INTS8: variants seen among roughly 807,000 people sequenced by gnomAD.
The protein encoded by INTS8 is integrator complex subunit 8, also known as protein kaonashi-1.
In INTS8, 47 loss-of-function variants were observed where a neutral mutation model predicts 138.9. That is an observed-to-expected ratio of 0.34 (90% CI 0.27 to 0.43). The LOEUF is 0.43. Ranked by LOEUF, INTS8 falls within the 20% of genes least tolerant of loss-of-function variation. The pLI, the probability that INTS8 is intolerant of heterozygous loss-of-function variation, is 1.00. For synonymous variants in INTS8, 392 were observed against 400.9 expected, an observed-to-expected ratio of 0.98 and a Z score of 0.27; for missense variants, 996 against 1,173.0, an observed-to-expected ratio of 0.85 and a Z score of 2.20.
Position 94,881,062 on chromosome 8 carries a change from T to C in INTS8, c.*828T>C, listed in dbSNP as rs1816790984. ...TAAACTAGTTTAAAAAACATTAAAT[T>C]TCACCATTTGTAGAAATTCAAGTTT... On this transcript the variant is annotated 3_prime_UTR_variant, in exon 27 of 27. Transcript: ENST00000523731. 2.5e-6 allele frequency: 1 copy of C among 398,076 alleles called. No homozygotes were observed. The highest frequency in any genetic ancestry group is 4.4e-5 in the Admixed American group (1 of 22,700). 24.7% of individuals were successfully genotyped at this position (398,076 alleles called of 1,614,324 possible). A position where few individuals can be genotyped will look rare whatever the true frequency, so the allele number is the denominator to read the frequency against.
intron 20 of INTS8, among the ~76,000 whole-genome samples, chr8:94,870,053 A>ATTTT (rs879671607): frequency 6.6e-6 from 1 of 150,912 alleles, no homozygotes; most frequent in Non-Finnish European, 1.5e-5. Context: ...ATTTTTATTT[A>ATTTT]TTTATTTTTT....
chr8:94,855,516 T>A (rs1815713573), intron 14 of INTS8, among the ~76,000 whole-genome samples: 2 of 152,194 alleles, frequency 1.3e-5, no homozygotes, highest in African/African-American at 4.8e-5. Flanking sequence ...AGGAGGAATG[T>A]AGTTAGCAGC....
intron 10 of INTS8, among the ~76,000 whole-genome samples, chr8:94,848,045 G>C (rs1373833764): frequency 1.6e-5 from 2 of 123,830 alleles, no homozygotes; most frequent in Non-Finnish European, 3.5e-5. Context: ...GTCTCTCTCT[G>C]TTTCCCAGGC....
At position 94,876,097 on chromosome 8, in the gene INTS8, C is replaced by A; in HGVS notation, c.2712C>A (p.Leu904=). The A allele has an allele frequency of 3.7e-6, 6 of 1,609,946 alleles. No individual in the cohort carries two copies. The highest frequency in any genetic ancestry group is 5.1e-6 in the Non-Finnish European group (6 of 1,176,678). The part of the protein sequence containing the change: ...HTQVAILCQF[L]REIDYKTAFK... ...AGGTGGCCATTTTATGTCAGTTCCT[C>A]AGAGAAATTGACTACAAAACAGCGT... The change falls in exon 24 of 27, where the codon CTC becomes CTA. Residue 904 remains leucine, a synonymous_variant. Coordinates refer to ENST00000523731, the MANE Select transcript of INTS8 (RefSeq NM_017864.4).
chr8:94,881,637 GT>G lies in INTS8; in HGVS notation c.*1407del, dbSNP rs760550653. On this transcript the variant is annotated 3_prime_UTR_variant, in exon 27 of 27. Coordinates refer to ENST00000523731, the MANE Select transcript of INTS8 (RefSeq NM_017864.4). ...TGTTTGCTTAGTTATCTTCTTTAGT[GT>G]TTTCCTGGTGGTTTTTCAGTGCTCT... The G allele has an allele frequency of 3.1e-6, 5 of 1,612,340 alleles. No individual in the cohort carries two copies. The Admixed American group carries it at 6.7e-5, about 22-fold the overall frequency.
At chr8:94,853,219 G>A (rs1027269862) in intron 13 of INTS8, among the ~76,000 whole-genome samples, 4 of 152,140 alleles carry the variant, frequency 2.6e-5, no homozygotes, top group Non-Finnish European at 4.4e-5. Flanking sequence ...GGCCGAGGCA[G>A]GAGAATCACT....
At chr8:94,837,188 A>T (rs1814955831) in intron 7 of INTS8, among the ~76,000 whole-genome samples, 1 of 152,064 alleles carries the variant, frequency 6.6e-6, no homozygotes, top group African/African-American at 2.4e-5. Flanking sequence ...TTTTATTTTT[A>T]TTTTTTTGCT....
At chr8:94,831,913 CTAAA>C (rs763421394) in intron 5 of INTS8, 75 bp from the exon 6 acceptor site, 11 of 1,170,328 alleles carry the variant, frequency 9.4e-6, no homozygotes, top group East Asian at 5.1e-5. Flanking sequence ...TACTGAGTTA[CTAAA>C]TAGACTGTAA....
intron 10 of INTS8, among the ~76,000 whole-genome samples, chr8:94,844,280 C>G (rs1815250228): frequency 6.6e-6 from 1 of 152,060 alleles, no homozygotes; most frequent in Admixed American, 6.5e-5. Flanking sequence ...CTCAGGTTAT[C>G]TGCCTGCCTT....
At chr8:94,869,264 G>A (rs374241030) in intron 20 of INTS8, among the ~76,000 whole-genome samples, 1 of 151,804 alleles carries the variant, frequency 6.6e-6, no homozygotes. Context: ...TAACAGGCGT[G>A]AGCCACCACG....
At chr8:94,830,656 C>T (rs117596943) in intron 5 of INTS8, among the ~76,000 whole-genome samples, 4,038 of 152,228 alleles carry the variant, frequency 0.027, 71 homozygotes, top group Non-Finnish European at 0.04. Context: ...TGCCACCACA[C>T]TAGACTAATT....
At chr8:94,864,254 GC>G (rs1353351613) in intron 16 of INTS8, among the ~76,000 whole-genome samples, 1 of 151,748 alleles carries the variant, frequency 6.6e-6, no homozygotes, top group Non-Finnish European at 1.5e-5. Context: ...TCACAATCTT[GC>G]CACCTCCTTA....
chr8:94,866,009 T>C (rs1816163919), intron 17 of INTS8, 149 bp from the exon 18 acceptor site: 2 of 543,740 alleles, frequency 3.7e-6, no homozygotes, highest in East Asian at 3.0e-5. Context: ...AGAAATGTTA[T>C]TAGGTTAGTA....
intron 12 of INTS8, 64 bp from the exon 13 acceptor site, chr8:94,851,489 A>T: frequency 1.8e-6 from 2 of 1,141,278 alleles, no homozygotes; most frequent in Non-Finnish European, 2.4e-6. Flanking sequence ...ACATAATTTT[A>T]AGTAAATTGT....
intron 6 of INTS8, among the ~76,000 whole-genome samples, chr8:94,832,408 G>T (rs1324769352): frequency 6.6e-6 from 1 of 152,174 alleles, no homozygotes; most frequent in African/African-American, 2.4e-5. Context: ...GTATTTAGGA[G>T]ACAGAGTTTA....
chr8:94,823,375 C>A lies in INTS8; in HGVS notation c.-57C>A. On this transcript the variant is annotated 5_prime_UTR_variant, in exon 1 of 27. Coordinates refer to ENST00000523731, the MANE Select transcript of INTS8 (RefSeq NM_017864.4). ...GCATACCCCAGGCACCGGCCCGCATCCAAGTGTCAGGTTGGAGCCGGGAAG... is the reference window on the plus strand; with the variant it reads ...GCATACCCCAGGCACCGGCCCGCATACAAGTGTCAGGTTGGAGCCGGGAAG... The A allele has an allele frequency of 6.6e-7, 1 of 1,505,108 alleles. No individual in the cohort carries two copies. The highest frequency in any genetic ancestry group is 1.3e-5 in the South Asian group (1 of 77,942). 93.2% of individuals were successfully genotyped at this position (1,505,108 alleles called of 1,614,324 possible). A position where few individuals can be genotyped will look rare whatever the true frequency, so the allele number is the denominator to read the frequency against.
At chr8:94,841,424 C>A in intron 8 of INTS8, 67 bp from the exon 9 acceptor site, 1 of 692,722 alleles carries the variant, frequency 1.4e-6, no homozygotes, top group Non-Finnish European at 2.5e-6. Context: ...TATAGAAAGA[C>A]TTGTTTAAAG....
At chr8:94,827,819 T>A in intron 4 of INTS8, 26 bp downstream of exon 4, 1 of 1,559,710 alleles carries the variant, frequency 6.4e-7, no homozygotes, top group Non-Finnish European at 8.8e-7. Context: ...TGACCTTTAC[T>A]TGGCACTTTT....
At chr8:94,849,833 C>T (rs1815464536) in intron 11 of INTS8, 83 bp from the exon 12 acceptor site, 6 of 989,284 alleles carry the variant, frequency 6.1e-6, no homozygotes, top group Non-Finnish European at 1.5e-6. Context: ...TTTTAAATGG[C>T]TTATTAAAAT....
Sources: allele counts gnomAD v4.1 joint callset (sites outside exome capture counted in the v4.1 genomes callset), GRCh38; gene constraint gnomAD v4.1.1; transcripts MANE v1.5; gene names NCBI Gene and HGNC (gene_info 2026-07-23, HGNC 2026-07-21).